Variants in MAF observed in about 807,000 individuals in gnomAD.
MAF encodes MAF bZIP transcription factor.
In MAF, 10 loss-of-function variants were observed where a neutral mutation model predicts 22.0. That is an observed-to-expected ratio of 0.45 (90% confidence interval 0.28 to 0.77). MAF has a LOEUF of 0.77. Ranked by LOEUF, MAF falls within the 30% of genes least tolerant of loss-of-function variation. MAF has a pLI of 0.12. For synonymous variants in MAF, 337 were observed against 255.8 expected, an observed-to-expected ratio of 1.32 and a Z score of -3.03; for missense variants, 544 against 548.4, an observed-to-expected ratio of 0.99 and a Z score of 0.08.
At chr16:79,591,297 CA>C (rs1461450895), downstream of MAF, among the ~76,000 whole-genome samples, 1 of 152,102 alleles carries the variant, frequency 6.6e-6, no homozygotes, top group Admixed American at 6.5e-5. Flanking sequence ...TTGAGGAGTG[CA>C]GGGGAAAATA....
the MAF span, among the ~76,000 whole-genome samples, chr16:79,305,006 T>A: frequency 6.6e-6 from 1 of 152,216 alleles, no homozygotes; most frequent in Admixed American, 6.5e-5. Context: ...TTCAGTAATT[T>A]AAGCAATGTG....
the MAF span, among the ~76,000 whole-genome samples, chr16:79,296,882 T>C: frequency 6.6e-6 from 1 of 152,218 alleles, no homozygotes; most frequent in African/African-American, 2.4e-5. Flanking sequence ...TGTCGTTCAT[T>C]TGCTCTCAAT....
At chr16:79,591,794 C>T (rs955657493), downstream of MAF, among the ~76,000 whole-genome samples, 1 of 152,114 alleles carries the variant, frequency 6.6e-6, no homozygotes, top group African/African-American at 2.4e-5. Flanking sequence ...ATTGCAGTGA[C>T]CATTTAAATA....
the MAF span, among the ~76,000 whole-genome samples, chr16:79,559,011 T>C: frequency 1.3e-5 from 2 of 152,230 alleles, no homozygotes; most frequent in Non-Finnish European, 1.5e-5. Flanking sequence ...TTACCTAGGA[T>C]GTGTCTTTTC....
the MAF span, among the ~76,000 whole-genome samples, chr16:79,553,707 G>C: frequency 6.6e-6 from 1 of 152,170 alleles, no homozygotes; most frequent in African/African-American, 2.4e-5. Context: ...TTGAAAGGGC[G>C]TCTAGCATGG....
the MAF span, among the ~76,000 whole-genome samples, chr16:79,301,566 C>G: frequency 6.6e-6 from 1 of 152,046 alleles, no homozygotes; most frequent in Admixed American, 6.6e-5. Flanking sequence ...AGTTATTATG[C>G]ATATATTTTA....
At chr16:79,440,421 TC>T in the MAF span, among the ~76,000 whole-genome samples, 1 of 152,106 alleles carries the variant, frequency 6.6e-6, no homozygotes, top group African/African-American at 2.4e-5. Flanking sequence ...TCAACTAATT[TC>T]TTTCTTTCTT....
chr16:79,304,255 C>A, the MAF span, among the ~76,000 whole-genome samples: 1 of 152,298 alleles, frequency 6.6e-6, no homozygotes, highest in Admixed American at 6.5e-5. Flanking sequence ...GCCCGGGAAG[C>A]ATCGCTCCCT....
the MAF span, among the ~76,000 whole-genome samples, chr16:79,326,639 C>T: frequency 5.3e-5 from 8 of 152,176 alleles, no homozygotes; most frequent in African/African-American, 1.4e-4. Context: ...AGATCACATA[C>T]GGTTTCTGTT....
At chr16:79,575,263 G>A in the MAF span, among the ~76,000 whole-genome samples, 1 of 152,108 alleles carries the variant, frequency 6.6e-6, no homozygotes, top group East Asian at 1.9e-4. Context: ...CTTACCCAAT[G>A]CCATGACCCC....
chr16:79,336,708 C>G, the MAF span, among the ~76,000 whole-genome samples: 1 of 152,184 alleles, frequency 6.6e-6, no homozygotes, highest in South Asian at 2.1e-4. Flanking sequence ...TTATTTTACT[C>G]CAGGGAGTTT....
the MAF span, among the ~76,000 whole-genome samples, chr16:79,220,164 G>A: frequency 6.9e-6 from 1 of 145,732 alleles, no homozygotes; most frequent in African/African-American, 2.6e-5. Flanking sequence ...GCTGAGGCAG[G>A]AGAATTGCTT....
downstream of MAF, among the ~76,000 whole-genome samples, chr16:79,581,816 G>A (rs905279765): frequency 3.3e-5 from 5 of 152,142 alleles, no homozygotes; most frequent in African/African-American, 9.7e-5. Flanking sequence ...TGTTAATTAC[G>A]TGTTAATGTC....
At chr16:79,559,573 T>C in the MAF span, among the ~76,000 whole-genome samples, 65 of 152,302 alleles carry the variant, frequency 4.3e-4, no homozygotes, top group South Asian at 0.012. Context: ...CACTGTTTTA[T>C]TGACTTGTCA....
the MAF span, among the ~76,000 whole-genome samples, chr16:79,503,339 C>G: frequency 9.9e-5 from 15 of 152,220 alleles, no homozygotes; most frequent in African/African-American, 3.6e-4. Context: ...AAGCGACCAT[C>G]ATTTAGATAA....
chr16:79,487,752 A>G, the MAF span, among the ~76,000 whole-genome samples: 2 of 152,192 alleles, frequency 1.3e-5, no homozygotes, highest in African/African-American at 4.8e-5. Flanking sequence ...CGGAGACTAC[A>G]TCCTTGGCCA....
chr16:79,571,517 A>T, the MAF span, among the ~76,000 whole-genome samples: 2 of 146,682 alleles, frequency 1.4e-5, no homozygotes, highest in African/African-American at 5.2e-5. Flanking sequence ...CAAGAAAAAA[A>T]CATCTCAGCG....
At chr16:79,591,464 G>T (rs1913187201), downstream of MAF, among the ~76,000 whole-genome samples, 1 of 152,154 alleles carries the variant, frequency 6.6e-6, no homozygotes, top group Non-Finnish European at 1.5e-5. Flanking sequence ...GCAATCCACA[G>T]TTCTAATTAT....
At chr16:79,481,058 T>C in the MAF span, among the ~76,000 whole-genome samples, 1 of 152,146 alleles carries the variant, frequency 6.6e-6, no homozygotes, top group African/African-American at 2.4e-5. Context: ...ATTCACTTAG[T>C]ATCAGTCCTA....
Sources: allele counts gnomAD v4.1 joint callset (sites outside exome capture counted in the v4.1 genomes callset), GRCh38; gene constraint gnomAD v4.1.1; transcripts MANE v1.5; gene names NCBI Gene and HGNC (gene_info 2026-07-23, HGNC 2026-07-21).